Variants in SOS1 observed in about 807,000 individuals in gnomAD.
SOS1 encodes son of sevenless homolog 1.
Under a neutral mutation model 157.6 loss-of-function variants are expected in SOS1, and 25 were observed. The observed-to-expected ratio is 0.16, with a 90% CI of 0.12 to 0.22. The LOEUF (loss-of-function observed/expected upper bound fraction) is 0.22. SOS1 is among the 10% of genes least tolerant of loss of function. SOS1 has a pLI of 1.00. For missense variants in SOS1, 1,237 were observed against 1,599.1 expected (o/e 0.77, Z 3.86); for synonymous variants, 528 against 534.0 (o/e 0.99, Z 0.16).
chr2:39,069,190 CAAAAAAAAAAAAAA>C (rs869178369), intron 1 of SOS1, among the ~76,000 whole-genome samples: 2 of 46,734 alleles, frequency 4.3e-5, no homozygotes, highest in African/African-American at 6.8e-5. Flanking sequence ...TACCAAAAAG[CAAAAAAAAAAAAAA>C]AAAAAAAAAA....
At chr2:39,087,165 G>A (rs1316529677) in intron 1 of SOS1, among the ~76,000 whole-genome samples, 11 of 152,090 alleles carry the variant, frequency 7.2e-5, no homozygotes, top group Non-Finnish European at 1.3e-4. Context: ...TATAGAGGCC[G>A]CTTCAATGCA....
chr2:38,991,831 TGTAA>T (rs141404965), intron 20 of SOS1, among the ~76,000 whole-genome samples: 2 of 152,138 alleles, frequency 1.3e-5, no homozygotes, highest in African/African-American at 4.8e-5. Flanking sequence ...AGTGAAGACG[TGTAA>T]GTGTTTAGCA....
At chr2:39,119,520 A>G (rs1673783870) in intron 1 of SOS1, among the ~76,000 whole-genome samples, 1 of 152,252 alleles carries the variant, frequency 6.6e-6, no homozygotes. Context: ...AGAAGAGTAA[A>G]GCAATCTTTA....
At chr2:39,118,658 GT>G (rs1572905722) in intron 1 of SOS1, among the ~76,000 whole-genome samples, 1 of 152,202 alleles carries the variant, frequency 6.6e-6, no homozygotes, top group Non-Finnish European at 1.5e-5. Flanking sequence ...AACTCCAGCA[GT>G]TTAGTGCCTC....
At chr2:39,010,507 A>C (rs1222113188) in intron 15 of SOS1, 77 bp downstream of exon 15, 15 of 1,436,804 alleles carry the variant, frequency 1.0e-5, no homozygotes, top group Non-Finnish European at 1.5e-5. Context: ...GTCTCAAAAA[A>C]AACAAACAAA....
chr2:39,023,085 C>A lies in SOS1; in HGVS notation c.1343G>T (p.Gly448Val). The A allele has an allele frequency of 6.2e-7, 1 of 1,613,608 alleles. No homozygotes were observed. The highest frequency in any genetic ancestry group is 1.1e-5 in the South Asian group (1 of 91,066). The change falls in exon 10 of 23, where the codon GGA (glycine) becomes GTA (valine). Residue 448 changes from glycine to valine, a missense_variant. By Grantham distance (109) the Gly-to-Val change is moderately radical. Transcript: ENST00000402219. Reference protein sequence around the residue: ...GQCCNEFIMEGTLTRVGAKHE... With the variant: ...GQCCNEFIMEVTLTRVGAKHE... ...TTTGGCTCCTACACGTGTAAGAGTT[C>A]CTTCCATTATAAATTCATTACAACA...
At chr2:39,093,143 T>C (rs1672649974) in intron 1 of SOS1, among the ~76,000 whole-genome samples, 1 of 152,218 alleles carries the variant, frequency 6.6e-6, no homozygotes, top group South Asian at 2.1e-4. Context: ...CTTCCAATGA[T>C]CTTGAAAGAT....
Position 38,997,336 on chromosome 2 carries a change from T to G in SOS1, c.2881A>C (p.Arg961=), listed in dbSNP as rs1179567957. The part of the protein sequence containing the change: ...HGKELINFSK[R]RKVAEITGEI... ...CCTGTTATTTCTGCTACTTTCCTCC[T>G]TTTGCTAAAGTTTATAAGCTCTTTT... Residue 961 remains arginine (R), a synonymous_variant, in exon 18 of 23, where the codon AGG becomes CGG. Coordinates refer to ENST00000402219, the MANE Select transcript of SOS1 (RefSeq NM_005633.4). 1 of 1,613,222 alleles carries G rather than the reference T, an allele frequency of 6.2e-7. No homozygotes were observed. The highest frequency in any genetic ancestry group is 1.7e-5 in the Admixed American group (1 of 60,018).
At chr2:39,035,039 C>T (rs1007342085) in intron 8 of SOS1, among the ~76,000 whole-genome samples, 173 bp downstream of exon 8, 5 of 151,820 alleles carry the variant, frequency 3.3e-5, no homozygotes, top group African/African-American at 4.8e-5. Context: ...ACTACTAAGA[C>T]GAGAAAATAT....
chr2:39,082,213 T>C (rs1672227682), intron 1 of SOS1, among the ~76,000 whole-genome samples: 1 of 152,204 alleles, frequency 6.6e-6, no homozygotes, highest in Non-Finnish European at 1.5e-5. Context: ...GCCTGTTCAA[T>C]CTTTAAGACT....
chr2:39,054,526 AATG>A, intron 5 of SOS1, 85 bp downstream of exon 5: 3 of 750,814 alleles, frequency 4.0e-6, no homozygotes, highest in Non-Finnish European at 2.3e-6. Context: ...ACAAATTAGT[AATG>A]ATGAACTGTA....
intron 6 of SOS1, among the ~76,000 whole-genome samples, chr2:39,045,744 C>T (rs1670759417): frequency 6.6e-6 from 1 of 152,182 alleles, no homozygotes; most frequent in Non-Finnish European, 1.5e-5. Flanking sequence ...GAGTCTTGCT[C>T]TGTCGCCCAG....
At chr2:39,080,711 G>C (rs1672170376) in intron 1 of SOS1, among the ~76,000 whole-genome samples, 1 of 151,426 alleles carries the variant, frequency 6.6e-6, no homozygotes, top group African/African-American at 2.4e-5. Context: ...ACGCGGTCCT[G>C]GTATTTAGGC....
intron 1 of SOS1, among the ~76,000 whole-genome samples, chr2:39,104,308 A>T (rs1246024856): frequency 6.6e-6 from 1 of 152,180 alleles, no homozygotes; most frequent in East Asian, 1.9e-4. Context: ...TAACTAATTT[A>T]AAAAGGGGCA....
Position 38,984,754 on chromosome 2 carries a change from A to G in SOS1, c.*1070T>C, listed in dbSNP as rs1317685376. The G allele has an allele frequency of 1.3e-5, 2 of 152,206 alleles. No homozygotes were observed. The highest frequency in any genetic ancestry group is 2.9e-5 in the Non-Finnish European group (2 of 68,024). 9.4% of individuals were successfully genotyped at this position (152,206 alleles called of 1,614,324 possible). The stretch of plus-strand genomic sequence containing the variant: ...AACAAAGTATTTGTATCTTTATTCA[A>G]TTAAATTAAAACAGACCTGCCAGGT... On this transcript the variant is annotated 3_prime_UTR_variant, in exon 23 of 23. Transcript: ENST00000402219.
At chr2:39,116,306 C>T (rs1335428925) in intron 1 of SOS1, among the ~76,000 whole-genome samples, 1 of 152,212 alleles carries the variant, frequency 6.6e-6, no homozygotes, top group Non-Finnish European at 1.5e-5. Context: ...CAAGACTATT[C>T]CTGTTCCATT....
intron 4 of SOS1, 59 bp downstream of exon 4, chr2:39,056,643 G>T: frequency 9.8e-7 from 1 of 1,023,284 alleles, no homozygotes; most frequent in Non-Finnish European, 1.6e-6. Flanking sequence ...TAGTACGTTA[G>T]CATCTAATAA....
intron 10 of SOS1, among the ~76,000 whole-genome samples, chr2:39,019,749 A>T (rs996121878): frequency 3.3e-5 from 5 of 151,696 alleles, no homozygotes; most frequent in African/African-American, 1.2e-4. Context: ...AATAAAAATA[A>T]TAATAATGAC....
chr2:38,995,276 A>T lies in SOS1; in HGVS notation c.3193T>A (p.Tyr1065Asn). ...PLQQEPRKIS[Y>N]SRIPESETES... ...GTTTCACTTTCAGGGATCCTACTAT[A>T]ACTAATTTTCCTTGGCTCCTGCTGC... is the stretch of plus-strand genomic sequence containing the variant. Residue 1065 changes from tyrosine (Y) to asparagine (N), a missense_variant, in exon 20 of 23, where the codon TAT becomes AAT. By Grantham distance (143) the Tyr-to-Asn change is moderately radical. Coordinates refer to ENST00000402219, the MANE Select transcript of SOS1 (RefSeq NM_005633.4). 6.2e-7 allele frequency: 1 copy of T among 1,614,028 alleles called. No individual in the cohort carries two copies. The highest frequency in any genetic ancestry group is 8.5e-7 in the Non-Finnish European group (1 of 1,179,950).
Sources: allele counts gnomAD v4.1 joint callset (sites outside exome capture counted in the v4.1 genomes callset), GRCh38; gene constraint gnomAD v4.1.1; transcripts MANE v1.5; gene names NCBI Gene and HGNC (gene_info 2026-07-23, HGNC 2026-07-21).